The following BBOX1 variants were observed in gnomAD, a reference collection of about 807,000 sequenced individuals.
BBOX1 encodes gamma-butyrobetaine hydroxylase 1.
A neutral mutation model predicts 41.6 loss-of-function variants in BBOX1; 35 were observed. The observed-to-expected ratio is 0.84, with a 90% CI of 0.64 to 1.11. BBOX1 has a LOEUF of 1.11. BBOX1 is among the 50% of genes most tolerant of loss of function. BBOX1 has a pLI of 0.00. For synonymous variants in BBOX1, 163 were observed against 154.7 expected (o/e 1.05, Z -0.40); for missense variants, 458 against 460.6 (o/e 0.99, Z 0.05).
At chr11:27,113,422 T>C (rs867632098) in intron 5 of BBOX1, among the ~76,000 whole-genome samples, 3 of 151,874 alleles carry the variant, frequency 2.0e-5, no homozygotes, top group African/African-American at 7.2e-5. Flanking sequence ...ATCAGTGATA[T>C]AATGAATAAA....
At chr11:27,107,515 GC>G (rs1288867386) in intron 5 of BBOX1, among the ~76,000 whole-genome samples, 2 of 152,010 alleles carry the variant, frequency 1.3e-5, no homozygotes, top group African/African-American at 4.8e-5. Context: ...ATTATGTTGA[GC>G]TTGCCTCTTC....
chr11:27,122,414 A>G (rs1284523503), intron 7 of BBOX1, among the ~76,000 whole-genome samples: 1 of 152,206 alleles, frequency 6.6e-6, no homozygotes, highest in Admixed American at 6.5e-5. Flanking sequence ...GGAATTGCAG[A>G]GTTAATATAT....
At chr11:27,063,067 A>C (rs1333467292) in intron 4 of BBOX1, 3 of 152,290 alleles carry the variant, frequency 2.0e-5, no homozygotes, top group African/African-American at 7.2e-5. Flanking sequence ...AGTCCTGTAA[A>C]AGACAAAGAA....
chr11:27,081,463 C>T (rs2134016279), intron 4 of BBOX1, among the ~76,000 whole-genome samples: 1 of 152,238 alleles, frequency 6.6e-6, no homozygotes. Flanking sequence ...TATTGATGGA[C>T]ATTTGGGTGG....
chr11:27,072,272 T>C (rs1006762604), intron 4 of BBOX1, among the ~76,000 whole-genome samples: 8 of 152,006 alleles, frequency 5.3e-5, no homozygotes, highest in African/African-American at 1.7e-4. Flanking sequence ...TCTTATACAC[T>C]AATAACAGAC....
intron 2 of BBOX1, among the ~76,000 whole-genome samples, chr11:27,053,840 G>GA (rs2133957106): frequency 6.6e-6 from 1 of 151,996 alleles, no homozygotes; most frequent in East Asian, 1.9e-4. Context: ...CAAATTTAAA[G>GA]AAAAAAATTA....
chr11:27,124,287 A>C (rs1427345252), intron 7 of BBOX1, among the ~76,000 whole-genome samples: 1 of 152,134 alleles, frequency 6.6e-6, no homozygotes, highest in Non-Finnish European at 1.5e-5. Flanking sequence ...GAGTAATCCT[A>C]GGTACTTTGC....
intron 4 of BBOX1, among the ~76,000 whole-genome samples, chr11:27,086,886 G>A (rs1858063120): frequency 6.6e-6 from 1 of 152,080 alleles, no homozygotes; most frequent in Non-Finnish European, 1.5e-5. Context: ...CAGCCCTCAT[G>A]GATGGCTTTG....
chr11:27,050,455 A>G (rs1301748247), intron 2 of BBOX1, among the ~76,000 whole-genome samples: 1 of 152,098 alleles, frequency 6.6e-6, no homozygotes, highest in Non-Finnish European at 1.5e-5. Flanking sequence ...TGGATATTTT[A>G]CCAATATTAA....
intron 4 of BBOX1, among the ~76,000 whole-genome samples, chr11:27,080,249 CTGAACTATTAAA>C (rs1159786811): frequency 6.6e-6 from 1 of 152,024 alleles, no homozygotes; most frequent in Non-Finnish European, 1.5e-5. Context: ...TTAAGGGTAT[CTGAACTATTAAA>C]TGCCTTCTAT....
At position 27,093,309 on chromosome 11, in the gene BBOX1, CAGG is replaced by C; in HGVS notation, c.479_481del (p.Gly160del). 2.5e-6 allele frequency: 4 copies of C among 1,612,508 alleles called. No homozygotes were observed. Among genetic ancestry groups the C allele is most frequent in the Non-Finnish European group, 3.4e-6 (4 of 1,179,016 alleles). On this transcript the variant is annotated inframe_deletion, in exon 5 of 9. Coordinates refer to ENST00000263182, the MANE Select transcript of BBOX1 (RefSeq NM_003986.3). Reference sequence around the variant, plus strand: ...AGACTCACCGGAGCATCTGACAAACCAGGAGAAGTTTCAAAACTTGGGAAAAGG... The same window carrying C: ...AGACTCACCGGAGCATCTGACAAACCAGAAGTTTCAAAACTTGGGAAAAGG...
intron 2 of BBOX1, among the ~76,000 whole-genome samples, chr11:27,053,380 T>G (rs1040078579): frequency 6.6e-5 from 10 of 152,242 alleles, no homozygotes; most frequent in Admixed American, 3.3e-4. Flanking sequence ...GTCGCCTACA[T>G]TGTTTTTGTG....
intron 4 of BBOX1, among the ~76,000 whole-genome samples, chr11:27,069,555 C>T (rs1007301680): frequency 2.0e-5 from 3 of 151,958 alleles, no homozygotes; most frequent in Non-Finnish European, 4.4e-5. Flanking sequence ...AATTTGGTTG[C>T]CCTTTTTTCT....
At chr11:27,044,841 T>C (rs1176275475) in intron 2 of BBOX1, among the ~76,000 whole-genome samples, 3 of 152,210 alleles carry the variant, frequency 2.0e-5, no homozygotes, top group African/African-American at 7.2e-5. Flanking sequence ...GGCCTTGTAG[T>C]ATAGTCTGAA....
chr11:27,073,484 C>A (rs1857526562), intron 4 of BBOX1, among the ~76,000 whole-genome samples: 1 of 148,158 alleles, frequency 6.7e-6, no homozygotes, highest in Non-Finnish European at 1.5e-5. Flanking sequence ...CTAGTTCAAT[C>A]ATTGTGGAAG....
At chr11:27,101,327 A>C (rs946389992) in intron 5 of BBOX1, among the ~76,000 whole-genome samples, 47 of 152,282 alleles carry the variant, frequency 3.1e-4, no homozygotes, top group African/African-American at 9.4e-4. Flanking sequence ...ATAAAGGGAA[A>C]ATGGCAATTA....
intron 4 of BBOX1, among the ~76,000 whole-genome samples, chr11:27,067,202 T>G (rs1475738746): frequency 6.6e-6 from 1 of 152,174 alleles, no homozygotes; most frequent in East Asian, 1.9e-4. Context: ...CTTTTTTGTT[T>G]GTTTTAAAAT....
intron 4 of BBOX1, among the ~76,000 whole-genome samples, chr11:27,062,751 T>A (rs1311042792): frequency 6.6e-6 from 1 of 152,050 alleles, no homozygotes; most frequent in African/African-American, 2.4e-5. Flanking sequence ...TTAGTAGAGA[T>A]GGGGTTTCAC....
At chr11:27,122,568 T>C (rs1411173338) in intron 7 of BBOX1, among the ~76,000 whole-genome samples, 1 of 152,168 alleles carries the variant, frequency 6.6e-6, no homozygotes, top group Non-Finnish European at 1.5e-5. Flanking sequence ...ACAGAGACTA[T>C]AATCAGTTAT....
Sources: allele counts gnomAD v4.1 joint callset (sites outside exome capture counted in the v4.1 genomes callset), GRCh38; gene constraint gnomAD v4.1.1; transcripts MANE v1.5; gene names NCBI Gene and HGNC (gene_info 2026-07-23, HGNC 2026-07-21).